The following FRMPD4 variants were observed in gnomAD, a reference collection of about 807,000 sequenced individuals.
FRMPD4 encodes FERM and PDZ domain-containing protein 4.
Under a neutral mutation model 94.1 loss-of-function variants are expected in FRMPD4, and 22 were observed. The observed-to-expected ratio is 0.23, with a 90% CI of 0.17 to 0.33. FRMPD4 has a LOEUF of 0.33. Among genes scored for constraint, FRMPD4 ranks in the 10% least tolerant of loss-of-function variants. The pLI, the probability that FRMPD4 is intolerant of heterozygous loss-of-function variation, is 1.00. For synonymous variants in FRMPD4, 631 were observed against 548.6 expected (o/e 1.15, Z -2.10); for missense variants, 1,111 against 1,339.9 (o/e 0.83, Z 2.67).
At chrX:12,004,473 C>A (rs955506028) in intron 3 of FRMPD4, among the ~76,000 whole-genome samples, 13 of 111,545 alleles carry the variant, frequency 1.2e-4, no homozygotes, top group African/African-American at 4.3e-4. Context: ...CCAAGCCTGG[C>A]CTGGCTCAAC....
intron 4 of FRMPD4, among the ~76,000 whole-genome samples, chrX:12,636,726 G>A (rs189586338): frequency 2.1e-3 from 231 of 111,369 alleles, no homozygotes; most frequent in South Asian, 0.015. Context: ...TCCCACTGGG[G>A]AAAAAAATAG....
chrX:12,278,000 T>C lies in FRMPD4; in HGVS notation c.41+138988T>C, dbSNP rs2054467130. ...TGTCCCATCCAGCAGGTATTACGAA[T>C]TGTAAGAAAAACTGAATAGCTATTC... On this transcript the variant is annotated intron_variant, in intron 1 of 16. Coordinates refer to ENST00000675598, the MANE Select transcript of FRMPD4 (RefSeq NM_001368397.1). Among the ~76,000 whole-genome samples the C allele has an allele frequency of 2.7e-5, 3 of 112,397 alleles. No homozygotes were observed. In the Admixed American group the frequency reaches 2.8e-4, roughly 11 times the overall value.
chrX:12,367,850 T>G lies in FRMPD4; in HGVS notation c.42-130830T>G, dbSNP rs1010212894. On this transcript the variant is annotated intron_variant, in intron 1 of 16. Coordinates refer to ENST00000675598, the MANE Select transcript of FRMPD4 (RefSeq NM_001368397.1). ...GAAATAAGAGAATAAATAGGCTGAA[T>G]GTACTTTCATCTTCATGTAAAACAA... Among the ~76,000 whole-genome samples, 15 of 111,933 alleles carry G rather than the reference T, an allele frequency of 1.3e-4. No individual in the cohort carries two copies. In the Admixed American group the frequency reaches 1.4e-3, roughly 11 times the overall value.
intron 2 of FRMPD4, among the ~76,000 whole-genome samples, chrX:12,540,652 C>T (rs964977784): frequency 9.0e-6 from 1 of 111,425 alleles, no homozygotes; most frequent in Non-Finnish European, 1.9e-5. Context: ...GAGACTTTAA[C>T]AACCCACTGT....
chrX:12,675,439 A>G (rs1482047352), intron 5 of FRMPD4, among the ~76,000 whole-genome samples: 1 of 106,794 alleles, frequency 9.4e-6, no homozygotes, highest in Admixed American at 9.9e-5. Flanking sequence ...AAAAAAAAAA[A>G]AACGACTTTA....
chrX:12,028,069 T>C (rs1209139556), intron 3 of FRMPD4, among the ~76,000 whole-genome samples: 1 of 112,096 alleles, frequency 8.9e-6, no homozygotes, highest in East Asian at 2.8e-4. Flanking sequence ...CAGGAGTCCA[T>C]GTGTGGCTTA....
In FRMPD4 at chrX:12,547,325, C is replaced by T. The variant is rs376187543; in HGVS notation, c.158+48529C>T. ...ACACAGTCTGGCTCCAGAAGCCATG[C>T]TTTGGTCACTATAGTCCAGGGGTCA... On this transcript the variant is annotated intron_variant, in intron 2 of 16. Coordinates refer to ENST00000675598, the MANE Select transcript of FRMPD4 (RefSeq NM_001368397.1). 6.3e-5 allele frequency among the ~76,000 whole-genome samples: 7 copies of T among 111,594 alleles called. No homozygotes were observed. In the East Asian group the frequency reaches 1.7e-3, roughly 27 times the overall value.
chrX:12,451,074 T>C (rs7882563), intron 1 of FRMPD4, among the ~76,000 whole-genome samples: 2,374 of 110,632 alleles, frequency 0.021, 68 homozygotes, highest in African/African-American at 0.073. Flanking sequence ...CAGCCTTAAA[T>C]GTGGCAAGCA....
chrX:11,834,427 G>A (rs1358754133), intron 1 of FRMPD4, among the ~76,000 whole-genome samples: 1 of 111,767 alleles, frequency 8.9e-6, no homozygotes, highest in Non-Finnish European at 1.9e-5. Flanking sequence ...TACCCCTCAC[G>A]TGACAATTAC....
chrX:12,130,235 C>T (rs2055540224), intron 3 of FRMPD4, among the ~76,000 whole-genome samples: 1 of 111,546 alleles, frequency 9.0e-6, no homozygotes, highest in African/African-American at 3.3e-5. Context: ...TTGACAATAT[C>T]TTCCAGGGCC....
At chrX:12,307,579 A>T (rs751813207) in intron 1 of FRMPD4, among the ~76,000 whole-genome samples, 1 of 111,540 alleles carries the variant, frequency 9.0e-6, no homozygotes, top group East Asian at 2.8e-4. Flanking sequence ...GCCTCTGGGG[A>T]AGTATTGACT....
chrX:12,346,907 T>C (rs1385660588), intron 1 of FRMPD4, among the ~76,000 whole-genome samples: 8 of 112,394 alleles, frequency 7.1e-5, no homozygotes, highest in Non-Finnish European at 1.3e-4. Context: ...GTGGAATCTA[T>C]TATCCACTCT....
At chrX:12,028,062 G>T (rs1440672327) in intron 3 of FRMPD4, among the ~76,000 whole-genome samples, 2 of 112,068 alleles carry the variant, frequency 1.8e-5, no homozygotes, top group Admixed American at 1.9e-4. Context: ...TATGGGCCAG[G>T]AGTCCATGTG....
intron 1 of FRMPD4, among the ~76,000 whole-genome samples, chrX:12,352,814 C>A (rs2055835503): frequency 8.9e-6 from 1 of 111,964 alleles, no homozygotes; most frequent in African/African-American, 3.3e-5. Flanking sequence ...TTCCTTTTAC[C>A]ATGTTACTTG....
intron 3 of FRMPD4, among the ~76,000 whole-genome samples, chrX:12,007,920 G>A (rs915195865): frequency 8.9e-6 from 1 of 111,882 alleles, no homozygotes; most frequent in Non-Finnish European, 1.9e-5. Flanking sequence ...AGTGGGCACA[G>A]GATGGACCCC....
chrX:12,023,255 A>G (rs1395234229), intron 3 of FRMPD4, among the ~76,000 whole-genome samples: 1 of 111,260 alleles, frequency 9.0e-6, no homozygotes, highest in Non-Finnish European at 1.9e-5. Context: ...AGCCTCCAGA[A>G]CTTTGAGAAA....
Position 12,259,559 on chromosome X carries a change from C to T in FRMPD4, c.41+120547C>T, listed in dbSNP as rs190071541. On this transcript the variant is annotated intron_variant, in intron 1 of 16. Transcript: ENST00000675598. ...ACTTCCTGCCTCCAGAACTGTGAGA[C>T]AATAAATTTCTGTTGTTTTGGGCTA... Among the ~76,000 whole-genome samples, 19 of 111,574 alleles carry T rather than the reference C, an allele frequency of 1.7e-4. No homozygotes were observed. The East Asian group carries it at 5.3e-3, about 31-fold the overall frequency.
intron 1 of FRMPD4, among the ~76,000 whole-genome samples, chrX:12,186,582 G>T (rs2056428226): frequency 9.0e-6 from 1 of 111,412 alleles, no homozygotes. Flanking sequence ...TTGAAGATTG[G>T]CAACAGTGAC....
chrX:12,127,436 C>T (rs1194729239), intron 3 of FRMPD4, among the ~76,000 whole-genome samples: 6 of 111,628 alleles, frequency 5.4e-5, no homozygotes, highest in Non-Finnish European at 9.4e-5. Context: ...CATCAGATCT[C>T]ATGAGAACTC....
Sources: allele counts gnomAD v4.1 joint callset (sites outside exome capture counted in the v4.1 genomes callset), GRCh38; gene constraint gnomAD v4.1.1; transcripts MANE v1.5; gene names NCBI Gene and HGNC (gene_info 2026-07-23, HGNC 2026-07-21).